Variants in MPV17L observed in about 807,000 individuals in gnomAD.
MPV17L encodes mpv17-like protein.
A neutral mutation model predicts 25.8 loss-of-function variants in MPV17L; 24 were observed. The ratio of observed to expected loss-of-function variants is 0.93; its 90% CI spans 0.67 to 1.31. The LOEUF (loss-of-function observed/expected upper bound fraction) is 1.31, where lower values mean the gene tolerates loss of function less well. MPV17L is among the 50% of genes most tolerant of loss of function. The pLI is 0.00. For synonymous variants in MPV17L, 102 were observed against 115.3 expected (o/e 0.88, Z 0.74); for missense variants, 250 against 265.6 (o/e 0.94, Z 0.41).
intron 2 of MPV17L, among the ~76,000 whole-genome samples, chr16:15,406,188 C>CA (rs1206909681): frequency 1.3e-5 from 2 of 150,478 alleles, no homozygotes; most frequent in Admixed American, 1.3e-4. Flanking sequence ...AACTCCATCT[C>CA]AAAAAATATA....
At chr16:15,403,506 G>A (rs540312305) in intron 2 of MPV17L, among the ~76,000 whole-genome samples, 5 of 151,308 alleles carry the variant, frequency 3.3e-5, no homozygotes, top group Non-Finnish European at 4.4e-5. Flanking sequence ...AGACCCCATC[G>A]CTACAAAAAT....
In MPV17L at chr16:15,395,952, AC is replaced by A; in HGVS notation, c.57del (p.Asn20ThrfsTer37). On this transcript the variant is annotated frameshift_variant, in exon 1 of 4. Coordinates refer to ENST00000396385, the MANE Select transcript of MPV17L (RefSeq NM_001128423.2). LOFTEE classifies it high-confidence loss of function. ...CGCGGCCCGGCGCCACCCGTGGCCC[AC>A]CAACGTGCTGCTTTACGGCTCGCTC... ...SRAARRHPWPTNVLLYGSLVS... is the reference protein window; with the variant it reads ...SRAARRHPWPXNVLLYGSLVS... 1 of 1,497,434 alleles carries A rather than the reference AC, an allele frequency of 6.7e-7. No homozygotes were observed. Among genetic ancestry groups the A allele is most frequent in the Non-Finnish European group, 8.8e-7 (1 of 1,132,030 alleles). The allele number at this position is 1,497,434 out of a possible 1,614,324, so 92.8% of individuals were successfully genotyped here.
intron 1 of MPV17L, among the ~76,000 whole-genome samples, chr16:15,398,092 G>A (rs1161437682): frequency 6.6e-6 from 1 of 151,938 alleles, no homozygotes; most frequent in East Asian, 1.9e-4. Context: ...GCCCAGCCTG[G>A]AGTGTGCAGT....
At chr16:15,406,278 C>T (rs2050679974) in intron 2 of MPV17L, among the ~76,000 whole-genome samples, 1 of 151,700 alleles carries the variant, frequency 6.6e-6, no homozygotes, top group Non-Finnish European at 1.5e-5. Flanking sequence ...TATGTAATAT[C>T]TACTTTTAAA....
chr16:15,403,696 A>C (rs529712649), intron 2 of MPV17L, among the ~76,000 whole-genome samples: 14 of 151,486 alleles, frequency 9.2e-5, no homozygotes, highest in African/African-American at 3.4e-4. Flanking sequence ...AGAGAGCAGG[A>C]AGTAGAATTG....
In MPV17L at chr16:15,397,063, G is replaced by C. The variant is rs901528389; in HGVS notation, c.310+856G>C. On this transcript the variant is annotated intron_variant, in intron 1 of 3. Coordinates refer to ENST00000396385, the MANE Select transcript of MPV17L (RefSeq NM_001128423.2). The stretch of plus-strand genomic sequence containing the variant: ...GTCACAAAGGACTCCACCAAGAGGC[G>C]GATTTTGATCAATGGGAGTTTTACT... 3.3e-5 allele frequency among the ~76,000 whole-genome samples: 5 copies of C among 152,228 alleles called. No individual in the cohort carries two copies. In the South Asian group the frequency reaches 1.0e-3, roughly 32 times the overall value.
Position 15,395,859 on chromosome 16 carries a change from C to A in MPV17L, c.-39C>A. 1.5e-6 allele frequency: 2 copies of A among 1,373,218 alleles called. No homozygotes were observed. Among genetic ancestry groups the A allele is most frequent in the Non-Finnish European group, 1.9e-6 (2 of 1,073,762 alleles). 85.1% of individuals were successfully genotyped at this position (1,373,218 alleles called of 1,614,324 possible). A position where few individuals can be genotyped will look rare whatever the true frequency, so the allele number is the denominator to read the frequency against. On this transcript the variant is annotated 5_prime_UTR_variant, in exon 1 of 4. Coordinates refer to ENST00000396385, the MANE Select transcript of MPV17L (RefSeq NM_001128423.2). The stretch of plus-strand genomic sequence containing the variant: ...CGGACCCGGTGCAGGAAGACGCCGA[C>A]CACGCGGGCTCCTGATCGCGGGCGC...
Position 15,411,026 on chromosome 16 carries a change from A to G in MPV17L, c.*2914A>G, listed in dbSNP as rs941779402. The G allele has an allele frequency of 1.3e-5, 2 of 152,150 alleles. No individual in the cohort carries two copies. The highest frequency in any genetic ancestry group is 4.8e-5 in the African/African-American group (2 of 41,426). The allele number at this position is 152,150 out of a possible 1,614,324, so 9.4% of individuals were successfully genotyped here. On this transcript the variant is annotated 3_prime_UTR_variant, in exon 4 of 4. Transcript: ENST00000396385. ...GGCGGGCAGATCACGAGGTCAGGAG[A>G]TCGAGACCATCCTGGCTAACATGGT... is the stretch of plus-strand genomic sequence containing the variant.
Position 15,412,611 on chromosome 16 carries a change from T to G in MPV17L, c.*4499T>G, listed in dbSNP as rs2050742667. 6.6e-6 allele frequency: 1 copy of G among 151,908 alleles called. No homozygotes were observed. The highest frequency in any genetic ancestry group is 2.4e-5 in the African/African-American group (1 of 41,450). 9.4% of individuals were successfully genotyped at this position (151,908 alleles called of 1,614,324 possible). A position where few individuals can be genotyped will look rare whatever the true frequency, so the allele number is the denominator to read the frequency against. On this transcript the variant is annotated 3_prime_UTR_variant, in exon 4 of 4. Coordinates refer to ENST00000396385, the MANE Select transcript of MPV17L (RefSeq NM_001128423.2). Reference sequence around the variant, plus strand: ...TTTTTTTTGAGACAGAGTTTCGCTTTGTAGCCCAGGTTGGAGTGCAGTGTC... The same window carrying G: ...TTTTTTTTGAGACAGAGTTTCGCTTGGTAGCCCAGGTTGGAGTGCAGTGTC...
intron 1 of MPV17L, 22 bp downstream of exon 1, chr16:15,396,229 T>TG (rs1239374966): frequency 3.3e-6 from 5 of 1,536,034 alleles, no homozygotes; most frequent in African/African-American, 1.4e-5. Context: ...GGAGGGGACC[T>TG]GGGGGGTGGG....
At position 15,407,975 on chromosome 16, in the gene MPV17L, T is replaced by A. The variant is rs1567433873; in HGVS notation, c.454T>A (p.Tyr152Asn). The change falls in exon 4 of 4, where the codon TAC (tyrosine) becomes AAC (asparagine). Residue 152 changes from tyrosine (Y) to asparagine (N), a missense_variant. Transcript: ENST00000396385. ...TGTTCCTGTTCAATGGAGAACAGCT[T>A]ACGCTGGAGTCTGTGGTTTTCTCTG... is the stretch of plus-strand genomic sequence containing the variant. ...SLVPVQWRTA[Y>N]AGVCGFLWAT... is the part of the protein sequence containing the mutation. The A allele has an allele frequency of 2.5e-6, 4 of 1,614,028 alleles. No homozygotes were observed. In the Admixed American group the frequency reaches 5.0e-5, roughly 20 times the overall value.
intron 1 of MPV17L, 51 bp downstream of exon 1, chr16:15,396,258 G>A (rs1488100605): frequency 1.3e-6 from 2 of 1,528,250 alleles, no homozygotes; most frequent in South Asian, 2.4e-5. Context: ...TTGGGGGACT[G>A]GAGGCTGGGA....
At chr16:15,402,905 T>A in intron 2 of MPV17L, among the ~76,000 whole-genome samples, 1 of 152,092 alleles carries the variant, frequency 6.6e-6, no homozygotes, top group African/African-American at 2.4e-5. Context: ...GGTCTTGAAC[T>A]CCTGACCTCA....
intron 1 of MPV17L, among the ~76,000 whole-genome samples, chr16:15,399,921 C>T (rs1348912007): frequency 6.6e-6 from 1 of 152,126 alleles, no homozygotes; most frequent in African/African-American, 2.4e-5. Context: ...CCTTCTGCCT[C>T]AGCCTCTCAA....
At chr16:15,396,533 T>C (rs2050586123) in intron 1 of MPV17L, among the ~76,000 whole-genome samples, 1 of 151,914 alleles carries the variant, frequency 6.6e-6, no homozygotes, top group Admixed American at 6.6e-5. Flanking sequence ...AGGCTGGAGG[T>C]AGGCAGGGCT....
intron 1 of MPV17L, among the ~76,000 whole-genome samples, chr16:15,398,514 A>G (rs1388701950): frequency 2.6e-5 from 4 of 152,098 alleles, no homozygotes; most frequent in East Asian, 1.9e-4. Context: ...ACCTAAGTCC[A>G]GGCCAAGCTC....
At chr16:15,399,881 C>T (rs561134405) in intron 1 of MPV17L, among the ~76,000 whole-genome samples, 3 of 152,066 alleles carry the variant, frequency 2.0e-5, no homozygotes, top group South Asian at 2.1e-4. Context: ...CTTGGCTCAC[C>T]GCAACCTCCA....
intron 1 of MPV17L, among the ~76,000 whole-genome samples, chr16:15,399,992 C>T (rs1463895979): frequency 1.3e-5 from 2 of 152,076 alleles, no homozygotes; most frequent in Admixed American, 6.6e-5. Flanking sequence ...TTAGTAGAGA[C>T]GGGGTTTCTC....
Position 15,411,409 on chromosome 16 carries a change from G to T in MPV17L, c.*3297G>T, listed in dbSNP as rs893369357. On this transcript the variant is annotated 3_prime_UTR_variant, in exon 4 of 4. Transcript: ENST00000396385. The stretch of plus-strand genomic sequence containing the variant: ...GTCTATAATCCAAGTGCTTTGGGAG[G>T]CGAAGGCAGGTGGATCATCTGAGCC... The T allele has an allele frequency of 7.2e-5, 11 of 152,310 alleles. No individual in the cohort carries two copies. Among genetic ancestry groups the T allele is most frequent in the African/African-American group, 2.4e-4 (10 of 41,562 alleles). 9.4% of individuals were successfully genotyped at this position (152,310 alleles called of 1,614,324 possible).
Sources: allele counts gnomAD v4.1 joint callset (sites outside exome capture counted in the v4.1 genomes callset), GRCh38; gene constraint gnomAD v4.1.1; transcripts MANE v1.5; gene names NCBI Gene and HGNC (gene_info 2026-07-23, HGNC 2026-07-21).